The following MPDZ variants were observed in gnomAD, a reference collection of about 807,000 sequenced individuals.
MPDZ encodes multiple PDZ domain protein.
Under a neutral mutation model 239.1 loss-of-function variants are expected in MPDZ, and 234 were observed. That is an observed-to-expected ratio of 0.98 (90% CI 0.88 to 1.09). MPDZ has a LOEUF of 1.09. MPDZ is among the 50% of genes least tolerant of loss of function. MPDZ has a pLI of 0.00. For missense variants in MPDZ, 3,175 were observed against 2,510.0 expected (o/e 1.26, Z -5.66); for synonymous variants, 1,048 against 881.3 (o/e 1.19, Z -3.35).
At chr9:13,216,552 G>C (rs1171553002) in intron 10 of MPDZ, among the ~76,000 whole-genome samples, 2 of 151,778 alleles carry the variant, frequency 1.3e-5, no homozygotes, top group Non-Finnish European at 2.9e-5. Context: ...TATTCAAGAA[G>C]GAAGTCTCCC....
chr9:13,197,880 A>C (rs1385846896), intron 12 of MPDZ, among the ~76,000 whole-genome samples: 3 of 152,042 alleles, frequency 2.0e-5, no homozygotes, highest in Admixed American at 6.6e-5. Flanking sequence ...ATTTCACTTA[A>C]CACAATGTCC....
chr9:13,192,570 A>C (rs1955083990), intron 14 of MPDZ, among the ~76,000 whole-genome samples: 1 of 152,152 alleles, frequency 6.6e-6, no homozygotes. Flanking sequence ...AGAGACAATA[A>C]AAATATTTCC....
chr9:13,205,995 C>A lies in MPDZ; in HGVS notation c.1395G>T (p.Lys465Asn). The A allele has an allele frequency of 6.2e-7, 1 of 1,611,826 alleles. No homozygotes were observed. Among genetic ancestry groups the A allele is most frequent in the Admixed American group, 1.7e-5 (1 of 59,788 alleles). Reference sequence around the variant, plus strand: ...CCCTTGACATGAGCTCGGCTTCCTGCTTCATTCCTCTCCTCATTAGTGTCA... The same window carrying A: ...CCCTTGACATGAGCTCGGCTTCCTGATTCATTCCTCTCCTCATTAGTGTCA... ...VLLTLMRRGM[K>N]QEAELMSRED... Residue 465 changes from lysine to asparagine, a missense_variant, in exon 11 of 47, where the codon AAG becomes AAT. Physicochemically the swap from Lys to Asn is moderately conservative, Grantham distance 94 (BLOSUM62 0). Transcript: ENST00000319217.
chr9:13,267,120 A>G (rs373740464), intron 1 of MPDZ, among the ~76,000 whole-genome samples: 4 of 152,220 alleles, frequency 2.6e-5, no homozygotes, highest in East Asian at 1.9e-4. Flanking sequence ...TAAAAATGCT[A>G]TTCAATAACA....
In MPDZ at chr9:13,126,561, T is replaced by C. The variant is rs1464009406; in HGVS notation, c.4587A>G (p.Ile1529Met). ...CAACAATTTCATCATCTACAGCCAGTATCTGATCTCCGACTTTGAGTCGTC... is the reference window on the plus strand; with the variant it reads ...CAACAATTTCATCATCTACAGCCAGCATCTGATCTCCGACTTTGAGTCGTC... ...TDGRLKVGDQ[I>M]LAVDDEIVVG... Residue 1529 changes from isoleucine (I) to methionine (M), a missense_variant, in exon 34 of 47, where the codon ATA becomes ATG. Coordinates refer to ENST00000319217, the MANE Select transcript of MPDZ (RefSeq NM_001378778.1). The C allele has an allele frequency of 1.9e-6, 3 of 1,589,212 alleles. No individual in the cohort carries two copies. Among genetic ancestry groups the C allele is most frequent in the East Asian group, 4.5e-5 (2 of 44,156 alleles).
rs1954716941 is a variant in MPDZ at position 13,190,243 on chromosome 9, C to T, written c.2025G>A (p.Leu675=). Residue 675 remains leucine (L), a synonymous_variant, in exon 16 of 47, where the codon CTG becomes CTA. Transcript: ENST00000319217. ...IGSSETEDPV[L]AMTDAGQSTE... ...TACTCTGACCCGCATCAGTCATCGCCAGCACTGGATCCTCTGTCTCTGATG... is the reference window on the plus strand; with the variant it reads ...TACTCTGACCCGCATCAGTCATCGCTAGCACTGGATCCTCTGTCTCTGATG... 2 of 1,612,300 alleles carry T rather than the reference C, an allele frequency of 1.2e-6. No homozygotes were observed. Among genetic ancestry groups the T allele is most frequent in the African/African-American group, 2.7e-5 (2 of 74,982 alleles).
intron 43 of MPDZ, among the ~76,000 whole-genome samples, chr9:13,111,649 AT>A (rs1449153388): frequency 6.6e-6 from 1 of 152,194 alleles, no homozygotes; most frequent in Non-Finnish European, 1.5e-5. Context: ...CAAATAAGTA[AT>A]ACTTTTCAAT....
chr9:13,232,862 G>C (rs1283043427), intron 3 of MPDZ, among the ~76,000 whole-genome samples: 1 of 143,218 alleles, frequency 7.0e-6, no homozygotes, highest in South Asian at 2.2e-4. Flanking sequence ...AGAAAAATGG[G>C]TGGAAAAAAA....
intron 10 of MPDZ, among the ~76,000 whole-genome samples, chr9:13,215,973 G>C (rs1162176949): frequency 7.9e-6 from 1 of 126,100 alleles, no homozygotes; most frequent in Non-Finnish European, 1.6e-5. Context: ...TTTTTTTAGA[G>C]ATAGGATCTG....
rs1362734880 is a variant in MPDZ, at chr9:13,236,247, G to GTATATATATATA, written c.183+11387_183+11388insTATATATATATA. ...TGTGTATATGTATATGTGTGTGTGT[G>GTATATATATATA]TGTATATATATATATATATATTTTT... On this transcript the variant is annotated intron_variant, in intron 3 of 46. Transcript: ENST00000319217. Among the ~76,000 whole-genome samples, 41 of 17,116 alleles carry GTATATATATATA rather than the reference G, an allele frequency of 2.4e-3. 5 individuals carry two copies. Among genetic ancestry groups the GTATATATATATA allele is most frequent in the African/African-American group, 3.3e-3 (20 of 6,146 alleles). 11.2% of individuals were successfully genotyped at this position (17,116 alleles called of 152,430 possible). A position where few individuals can be genotyped will look rare whatever the true frequency, so the allele number is the denominator to read the frequency against.
intron 3 of MPDZ, among the ~76,000 whole-genome samples, chr9:13,240,866 C>T (rs1965243931): frequency 6.6e-6 from 1 of 151,998 alleles, no homozygotes; most frequent in Admixed American, 6.6e-5. Flanking sequence ...TTAAAAAAAA[C>T]TCATTTAGGT....
chr9:13,214,177 C>T (rs1427455318), intron 10 of MPDZ, among the ~76,000 whole-genome samples: 1 of 151,942 alleles, frequency 6.6e-6, no homozygotes, highest in Non-Finnish European at 1.5e-5. Flanking sequence ...CCCGAATGTC[C>T]ATCAATTGAT....
intron 3 of MPDZ, among the ~76,000 whole-genome samples, chr9:13,236,509 G>A (rs990978739): frequency 1.3e-5 from 2 of 150,638 alleles, no homozygotes; most frequent in Admixed American, 1.3e-4. Flanking sequence ...TCGAACTCCC[G>A]ACCTCAGGTG....
intron 6 of MPDZ, 95 bp from the exon 7 acceptor site, chr9:13,221,595 T>A: frequency 7.9e-7 from 1 of 1,273,886 alleles, no homozygotes; most frequent in South Asian, 1.6e-5. Flanking sequence ...TTGTTAATAT[T>A]AAATAATTAA....
At chr9:13,161,878 C>A (rs1950531741) in intron 23 of MPDZ, among the ~76,000 whole-genome samples, 1 of 152,118 alleles carries the variant, frequency 6.6e-6, no homozygotes, top group South Asian at 2.1e-4. Context: ...ATATCAAGTG[C>A]CTTTAAAAAG....
intron 32 of MPDZ, among the ~76,000 whole-genome samples, chr9:13,129,547 A>C (rs1483733387): frequency 6.6e-6 from 1 of 152,212 alleles, no homozygotes; most frequent in South Asian, 2.1e-4. Context: ...GGATAACAGC[A>C]TATGAATGTG....
chr9:13,239,775 A>G (rs1964936626), intron 3 of MPDZ, among the ~76,000 whole-genome samples: 1 of 152,130 alleles, frequency 6.6e-6, no homozygotes, highest in Non-Finnish European at 1.5e-5. Flanking sequence ...AATGGATGTC[A>G]AGCAAACCTG....
At chr9:13,255,341 T>A (rs907002626) in intron 1 of MPDZ, among the ~76,000 whole-genome samples, 2 of 152,186 alleles carry the variant, frequency 1.3e-5, no homozygotes, top group Non-Finnish European at 2.9e-5. Context: ...AGAATCAACT[T>A]CTTCCAAAGT....
At chr9:13,277,368 T>C (rs1166945244) in intron 1 of MPDZ, among the ~76,000 whole-genome samples, 2 of 152,072 alleles carry the variant, frequency 1.3e-5, no homozygotes, top group East Asian at 3.9e-4. Context: ...CTATTAGTAA[T>C]ATGTTGAGAA....
Sources: gnomAD v4.1 joint callset for allele counts (sites outside exome capture counted in the v4.1 genomes callset) on GRCh38, gnomAD v4.1.1 for gene constraint, MANE v1.5 for transcripts, NCBI Gene and HGNC (gene_info 2026-07-23, HGNC 2026-07-21) for gene names.